The following NACA variants were observed in gnomAD, a reference collection of about 807,000 sequenced individuals.
The protein encoded by NACA is nascent polypeptide-associated complex subunit alpha.
NACA carries 42 observed loss-of-function variants against 86.4 expected under a neutral mutation model. That is an observed-to-expected ratio of 0.49 (90% CI 0.38 to 0.63). The LOEUF (loss-of-function observed/expected upper bound fraction) is 0.63. Ranked by LOEUF, NACA falls within the 20% of genes least tolerant of loss-of-function variation. NACA has a pLI of 0.00. For missense variants in NACA, 2,157 were observed against 2,483.6 expected, an observed-to-expected ratio of 0.87 and a Z score of 2.80; for synonymous variants, 898 against 973.7, an observed-to-expected ratio of 0.92 and a Z score of 1.45.
intron 3 of NACA, among the ~76,000 whole-genome samples, chr12:56,715,429 G>A (rs1953325985): frequency 6.6e-6 from 1 of 152,152 alleles, no homozygotes; most frequent in Non-Finnish European, 1.5e-5. Flanking sequence ...TGGGCAACTG[G>A]TCATTACTAA....
intron 2 of NACA, among the ~76,000 whole-genome samples, chr12:56,722,737 C>G (rs954124011): frequency 6.6e-6 from 1 of 151,876 alleles, no homozygotes; most frequent in Non-Finnish European, 1.5e-5. Context: ...CGAGAATACA[C>G]TGGATCCCCA....
chr12:56,725,143 A>G (rs1565901496), intron 1 of NACA, 120 bp downstream of exon 1: 2 of 152,480 alleles, frequency 1.3e-5, no homozygotes, highest in East Asian at 3.8e-4. Context: ...AGGGGCGAGT[A>G]GGAACCCTGT....
At chr12:56,712,720 C>CA (rs1565890633) in intron 8 of NACA, 66 bp downstream of exon 8, 20 of 1,608,682 alleles carry the variant, frequency 1.2e-5, no homozygotes, top group Non-Finnish European at 1.7e-5. Context: ...TTTAGCAAGA[C>CA]AAAATAAAGT....
chr12:56,713,803 G>A (rs1204442295), intron 5 of NACA, 120 bp from the exon 6 acceptor site: 2 of 991,790 alleles, frequency 2.0e-6, no homozygotes, highest in Non-Finnish European at 3.0e-6. Flanking sequence ...GTTCATACAA[G>A]AATAGAGAAT....
In NACA at chr12:56,717,326, G is replaced by A. The variant is rs1953401757; in HGVS notation, c.4204C>T (p.Pro1402Ser). 2.2e-6 allele frequency: 3 copies of A among 1,360,546 alleles called. No individual in the cohort carries two copies. Among genetic ancestry groups the A allele is most frequent in the African/African-American group, 1.5e-5 (1 of 67,482 alleles). The allele number at this position is 1,360,546 out of a possible 1,614,324, so 84.3% of individuals were successfully genotyped here. Reference protein sequence around the residue: ...GPAIPSPKGDPTSPAVIPLSP... With the variant: ...GPAIPSPKGDSTSPAVIPLSP... ...AGAGGAATCACTGCTGGGGAAGTGGGGTCCCCTTTGGGAGATGGGATAGCT... is the reference window on the plus strand; with the variant it reads ...AGAGGAATCACTGCTGGGGAAGTGGAGTCCCCTTTGGGAGATGGGATAGCT... The change falls in exon 3 of 9, where the codon CCC (proline) becomes TCC (serine). Residue 1402 changes from proline (P) to serine (S), a missense_variant. Transcript: ENST00000454682.
Position 56,720,581 on chromosome 12 carries a change from A to G in NACA, c.949T>C (p.Phe317Leu). 1 of 1,614,014 alleles carries G rather than the reference A, an allele frequency of 6.2e-7. No individual in the cohort carries two copies. Among genetic ancestry groups the G allele is most frequent in the South Asian group, 1.1e-5 (1 of 91,088 alleles). Residue 317 changes from phenylalanine to leucine, a missense_variant, in exon 3 of 9, where the codon TTT becomes CTT. By Grantham distance (22) the Phe-to-Leu change is conservative. This residue lies in a region of NACA where 947 missense variants were observed against 917.9 expected (regional missense o/e 1.03). Coordinates refer to ENST00000454682, the MANE Select transcript of NACA (RefSeq NM_001365896.1). ...SHLAPLHQSS[F>L]GSVQLLGQTG... ...TGACCTAAAAGTTGGACAGAACCAA[A>G]AGAACTCTGATGTAAAGGTGCAAGA... is the stretch of plus-strand genomic sequence containing the variant.
Position 56,716,663 on chromosome 12 carries a change from A to C in NACA, c.4867T>G (p.Ser1623Ala). 1 of 1,425,668 alleles carries C rather than the reference A, an allele frequency of 7.0e-7. No individual in the cohort carries two copies. The highest frequency in any genetic ancestry group is 1.1e-5 in the South Asian group (1 of 87,174). The allele number at this position is 1,425,668 out of a possible 1,614,324, so 88.3% of individuals were successfully genotyped here. A position where few individuals can be genotyped will look rare whatever the true frequency, so the allele number is the denominator to read the frequency against. Residue 1623 changes from serine to alanine, a missense_variant, in exon 3 of 9, where the codon TCC becomes GCC. Ser to Ala is a moderately conservative substitution (Grantham distance 99). Transcript: ENST00000454682. ...APTPPAVTPP[S>A]PEKGPATPAP... is the part of the protein sequence containing the mutation. ...GGAGTTGCTGGGCCCTTTTCGGGGG[A>C]TGGAGGAGTCACAGCTGGAGGAGTA... is the stretch of plus-strand genomic sequence containing the variant.
In NACA at chr12:56,716,251, C is replaced by T; in HGVS notation, c.5279G>A (p.Gly1760Asp). ...CTTAGACTCAGGAGGAGCCAAGGGG[C>T]CCTTTGGGGAATGAGAAGCATCTTT... The part of the protein sequence containing the change: ...KGKDASHSPK[G>D]PLAPPESKAS... The change falls in exon 3 of 9, where the codon GGC becomes GAC. Residue 1760 changes from glycine to aspartate, a missense_variant. Physicochemically the swap from Gly to Asp is moderately conservative, Grantham distance 94 (BLOSUM62 -1). This residue lies in a region of NACA where 797 missense variants were observed against 777.6 expected (regional missense o/e 1.02). Coordinates refer to ENST00000454682, the MANE Select transcript of NACA (RefSeq NM_001365896.1). 6.2e-7 allele frequency: 1 copy of T among 1,613,700 alleles called. No individual in the cohort carries two copies. Among genetic ancestry groups the T allele is most frequent in the Non-Finnish European group, 8.5e-7 (1 of 1,179,862 alleles).
In NACA at chr12:56,716,662, G is replaced by T. The variant is rs1239385949; in HGVS notation, c.4868C>A (p.Ser1623Tyr). The change falls in exon 3 of 9, where the codon TCC (serine) becomes TAC (tyrosine). Residue 1623 changes from serine to tyrosine, a missense_variant. This residue lies in a region of NACA where 797 missense variants were observed against 777.6 expected (regional missense o/e 1.02). Transcript: ENST00000454682. Reference sequence around the variant, plus strand: ...TGGAGTTGCTGGGCCCTTTTCGGGGGATGGAGGAGTCACAGCTGGAGGAGT... The same window carrying T: ...TGGAGTTGCTGGGCCCTTTTCGGGGTATGGAGGAGTCACAGCTGGAGGAGT... The part of the protein sequence containing the change: ...APTPPAVTPP[S>Y]PEKGPATPAP... The T allele has an allele frequency of 7.0e-7, 1 of 1,436,040 alleles. No individual in the cohort carries two copies. The highest frequency in any genetic ancestry group is 1.1e-5 in the South Asian group (1 of 87,624). 89.0% of individuals were successfully genotyped at this position (1,436,040 alleles called of 1,614,324 possible). A position where few individuals can be genotyped will look rare whatever the true frequency, so the allele number is the denominator to read the frequency against.
chr12:56,714,429 G>A lies in NACA; in HGVS notation c.5756C>T (p.Ala1919Val). 3 of 1,614,110 alleles carry A rather than the reference G, an allele frequency of 1.9e-6. No homozygotes were observed. The highest frequency in any genetic ancestry group is 2.2e-5 in the South Asian group (2 of 91,082). ...GACTGGTTCTTCATCAATTTCAGCT[G>A]CTGCCGCCAGCTAAGAAGATAAAAC... is the stretch of plus-strand genomic sequence containing the variant. ...ATTQQAQLAA[A>V]AEIDEEPVSK... The change falls in exon 5 of 9, where the codon GCA becomes GTA. Residue 1919 changes from alanine (A) to valine (V), a missense_variant. This residue lies in a region of NACA where 81 missense variants were observed against 200.6 expected (regional missense o/e 0.40). Transcript: ENST00000454682.
At position 56,721,210 on chromosome 12, in the gene NACA, A is replaced by G; in HGVS notation, c.320T>C (p.Ile107Thr). The change falls in exon 3 of 9, where the codon ATA becomes ACA. Residue 107 changes from isoleucine (I) to threonine (T), a missense_variant. By Grantham distance (89) the Ile-to-Thr change is moderately conservative. This residue lies in a region of NACA where 947 missense variants were observed against 917.9 expected (regional missense o/e 1.03). Coordinates refer to ENST00000454682, the MANE Select transcript of NACA (RefSeq NM_001365896.1). ...GGCAGCTGGGGAGATGGGAGGCCCT[A>G]TTAGGTTTGGTAGGAAGGTTGGGGC... ...PEAPTFLPNL[I>T]GPPISPAALA... The G allele has an allele frequency of 1.2e-6, 2 of 1,613,786 alleles. No homozygotes were observed. The highest frequency in any genetic ancestry group is 1.7e-6 in the Non-Finnish European group (2 of 1,179,816).
In NACA at chr12:56,721,478, A is replaced by G. The variant is rs1197635233; in HGVS notation, c.71-19T>C. 6.9e-7 allele frequency: 1 copy of G among 1,455,876 alleles called. No individual in the cohort carries two copies. The highest frequency in any genetic ancestry group is 9.1e-7 in the Non-Finnish European group (1 of 1,101,760). 90.2% of individuals were successfully genotyped at this position (1,455,876 alleles called of 1,614,324 possible). On this transcript the variant is annotated intron_variant, in intron 2 of 8. Transcript: ENST00000454682. ...AGCACAGCTGGAGAAAGGCAAAAGG[A>G]GATAAAGAAAGGGGGAGGGGGAGGA...
At chr12:56,714,726 A>G in intron 3 of NACA, 39 bp from the exon 4 acceptor site, 1 of 1,584,008 alleles carries the variant, frequency 6.3e-7, no homozygotes. Flanking sequence ...TATAGTAGAA[A>G]TTATAAGAGA....
At chr12:56,713,760 T>C (rs993479777) in intron 5 of NACA, 77 bp from the exon 6 acceptor site, 4 of 1,417,166 alleles carry the variant, frequency 2.8e-6, no homozygotes, top group African/African-American at 2.9e-5. Flanking sequence ...TAATACAACA[T>C]CCAAAGCAAA....
At chr12:56,713,959 A>C in intron 5 of NACA, 1 of 421,140 alleles carries the variant, frequency 2.4e-6, no homozygotes, top group Non-Finnish European at 4.3e-6. Context: ...GCCGTGCCTC[A>C]GCCACCTTAG....
rs760499532 is a variant in NACA at position 56,715,953 on chromosome 12, G to A, written c.5577C>T (p.Leu1859=). 24 of 1,543,456 alleles carry A rather than the reference G, an allele frequency of 1.6e-5. No homozygotes were observed. Among genetic ancestry groups the A allele is most frequent in the African/African-American group, 2.8e-5 (2 of 72,714 alleles). Residue 1859 remains leucine (L), a synonymous_variant, in exon 3 of 9, where the codon CTC becomes CTT. Transcript: ENST00000454682. ...ISGGVPFQSV[L]VNMPTPKSAG... is the part of the protein sequence containing the mutation. ...CAGATTTAGGGGTGGGCATGTTGAC[G>A]AGGACCGACTGGAAAGGCACTCCCC...
chr12:56,713,218 T>G (rs369553170), intron 6 of NACA, 28 bp from the exon 7 acceptor site: 1 of 1,611,226 alleles, frequency 6.2e-7, no homozygotes, highest in Non-Finnish European at 8.5e-7. Flanking sequence ...CAGATCCATG[T>G]GAGTAGATTA....
At position 56,720,262 on chromosome 12, in the gene NACA, T is replaced by A; in HGVS notation, c.1268A>T (p.Tyr423Phe). The A allele has an allele frequency of 6.2e-7, 1 of 1,613,930 alleles. No individual in the cohort carries two copies. The highest frequency in any genetic ancestry group is 8.5e-7 in the Non-Finnish European group (1 of 1,179,874). The change falls in exon 3 of 9, where the codon TAT becomes TTT. Residue 423 changes from tyrosine to phenylalanine, a missense_variant. Coordinates refer to ENST00000454682, the MANE Select transcript of NACA (RefSeq NM_001365896.1). ...LILKSSPNAT[Y>F]HYPLVAQMPV... The stretch of plus-strand genomic sequence containing the variant: ...CATTTGGGCCACTAAAGGATAATGA[T>A]AAGTGGCATTAGGAGAGCTTTTGAG...
rs2137829235 is a variant in NACA, at chr12:56,721,032, T to C, written c.498A>G (p.Val166=). ...NLLTSPPSVA[V]AESGSVITLS... ...GAGTTATCACTGACCCTGACTCAGCTACAGCCACTGAAGGAGGTGAAGTAA... is the reference window on the plus strand; with the variant it reads ...GAGTTATCACTGACCCTGACTCAGCCACAGCCACTGAAGGAGGTGAAGTAA... The change falls in exon 3 of 9, where the codon GTA becomes GTG. Residue 166 remains valine (V), a synonymous_variant. Transcript: ENST00000454682. 6.2e-7 allele frequency: 1 copy of C among 1,613,976 alleles called. No homozygotes were observed. The highest frequency in any genetic ancestry group is 1.1e-5 in the South Asian group (1 of 91,092).
Sources: gnomAD v4.1 joint callset for allele counts (sites outside exome capture counted in the v4.1 genomes callset) on GRCh38, gnomAD v4.1.1 for gene constraint, gnomAD v4.1.1 regional missense constraint, MANE v1.5 for transcripts, NCBI Gene and HGNC (gene_info 2026-07-23, HGNC 2026-07-21) for gene names.